The following TCF7L2 variants were observed in gnomAD, a reference collection of about 807,000 sequenced individuals.
TCF7L2 encodes transcription factor 7 like 2, also known as transcription factor 7-like 2.
In TCF7L2, 23 loss-of-function variants were observed where a neutral mutation model predicts 77.9. That is an observed-to-expected ratio of 0.30 (90% confidence interval 0.21 to 0.42). The LOEUF (loss-of-function observed/expected upper bound fraction) is 0.42. Among genes scored for constraint, TCF7L2 ranks in the 10% least tolerant of loss-of-function variants. The probability of loss-of-function intolerance (pLI) is 1.00; values close to 1 mark genes in which losing one functional copy is unlikely to be tolerated. For missense variants in TCF7L2, 654 were observed against 793.1 expected, an observed-to-expected ratio of 0.82 and a Z score of 2.11; for synonymous variants, 413 against 340.2, an observed-to-expected ratio of 1.21 and a Z score of -2.36.
chr10:113,094,377 T>C (rs1488063143), intron 5 of TCF7L2, among the ~76,000 whole-genome samples: 2 of 152,236 alleles, frequency 1.3e-5, no homozygotes, highest in African/African-American at 4.8e-5. Context: ...TAGATATTGC[T>C]TCATTTCCTG....
chr10:113,002,821 A>G (rs145867004), intron 4 of TCF7L2, among the ~76,000 whole-genome samples: 1 of 152,254 alleles, frequency 6.6e-6, no homozygotes, highest in East Asian at 1.9e-4. Flanking sequence ...TTATCCCTCC[A>G]CTTTTTCTTG....
intron 3 of TCF7L2, among the ~76,000 whole-genome samples, chr10:112,961,254 A>ACCCCC (rs372246814): frequency 1.3e-4 from 8 of 60,494 alleles, no homozygotes; most frequent in South Asian, 5.5e-4. Context: ...ACCTCAGGTG[A>ACCCCC]CCCCCCCCCC....
intron 4 of TCF7L2, among the ~76,000 whole-genome samples, chr10:113,020,994 T>A (rs1335617085): frequency 6.6e-6 from 1 of 152,228 alleles, no homozygotes; most frequent in Non-Finnish European, 1.5e-5. Context: ...CCAGGTCACC[T>A]GACTCCTAAG....
chr10:112,959,486 G>T (rs746058377), intron 3 of TCF7L2, among the ~76,000 whole-genome samples: 3 of 152,224 alleles, frequency 2.0e-5, no homozygotes, highest in Non-Finnish European at 2.9e-5. Flanking sequence ...GATTGTTCTT[G>T]TGTCTAAAGG....
intron 5 of TCF7L2, chr10:113,129,661 G>A (rs2066245406): frequency 2.5e-6 from 3 of 1,185,678 alleles, no homozygotes; most frequent in South Asian, 3.2e-5. Context: ...GAGCCTACTC[G>A]GCCAGGAATC....
chr10:113,022,418 T>G (rs1460567926), intron 4 of TCF7L2, among the ~76,000 whole-genome samples: 2 of 152,178 alleles, frequency 1.3e-5, no homozygotes, highest in Non-Finnish European at 2.9e-5. Flanking sequence ...GCAGCTGAGC[T>G]TCCGTGTGCC....
chr10:113,089,417 C>T, intron 5 of TCF7L2: 1 of 1,613,730 alleles, frequency 6.2e-7, no homozygotes, highest in Non-Finnish European at 8.5e-7. Context: ...TCCCTTGCTG[C>T]ACTCAGGGAC....
chr10:113,091,181 C>T (rs1315889957), intron 5 of TCF7L2, among the ~76,000 whole-genome samples: 1 of 152,166 alleles, frequency 6.6e-6, no homozygotes, highest in Non-Finnish European at 1.5e-5. Context: ...GGATTACAGG[C>T]GTGAGCCACC....
chr10:113,138,918 G>T (rs973427298), intron 5 of TCF7L2, among the ~76,000 whole-genome samples: 1 of 152,200 alleles, frequency 6.6e-6, no homozygotes, highest in East Asian at 1.9e-4. Context: ...AAAGCATCCC[G>T]GGAGATGCTT....
rs767710403 is a variant in TCF7L2 at position 113,146,033 on chromosome 10, A to G, written c.811A>G (p.Ile271Val). ...TAGGCAAGGTCAACCAGTGTACCCAATCACGACAGGAGGATTCAGACACCC... is the reference window on the plus strand; with the variant it reads ...TAGGCAAGGTCAACCAGTGTACCCAGTCACGACAGGAGGATTCAGACACCC... Residue 271 changes from isoleucine to valine, a missense_variant, in exon 8 of 14, where the codon ATC becomes GTC. Transcript: ENST00000627217. 5.0e-6 allele frequency: 8 copies of G among 1,610,908 alleles called. No homozygotes were observed. Among genetic ancestry groups the G allele is most frequent in the Non-Finnish European group, 5.9e-6 (7 of 1,179,500 alleles).
intron 5 of TCF7L2, among the ~76,000 whole-genome samples, chr10:113,098,983 A>AG (rs2135840884): frequency 6.6e-6 from 1 of 152,264 alleles, no homozygotes; most frequent in East Asian, 1.9e-4. Context: ...GTTGATTGTC[A>AG]GGGGCTCTGC....
At chr10:113,037,253 A>T (rs187918708) in intron 4 of TCF7L2, among the ~76,000 whole-genome samples, 5 of 152,340 alleles carry the variant, frequency 3.3e-5, no homozygotes, top group Admixed American at 2.6e-4. Flanking sequence ...AATGCCAGTT[A>T]AGATTCAAGG....
chr10:113,153,900 TA>T (rs1351836689), intron 11 of TCF7L2, among the ~76,000 whole-genome samples: 3 of 152,336 alleles, frequency 2.0e-5, no homozygotes. Flanking sequence ...CTCATACTTT[TA>T]AACCCGTGCT....
intron 4 of TCF7L2, among the ~76,000 whole-genome samples, chr10:112,966,375 A>G (rs1359069777): frequency 1.3e-5 from 2 of 151,592 alleles, no homozygotes; most frequent in Non-Finnish European, 2.9e-5. Context: ...CATGCTGCCC[A>G]TTTGTCCCTC....
chr10:113,054,538 A>G (rs1163954456), intron 5 of TCF7L2, among the ~76,000 whole-genome samples: 7 of 152,162 alleles, frequency 4.6e-5, no homozygotes, highest in African/African-American at 1.4e-4. Context: ...CCAGGACAGG[A>G]GAGATTGATT....
At chr10:113,111,679 C>T (rs2063148480) in intron 5 of TCF7L2, among the ~76,000 whole-genome samples, 1 of 152,018 alleles carries the variant, frequency 6.6e-6, no homozygotes, top group Admixed American at 6.5e-5. Flanking sequence ...ATCACCTCAG[C>T]CACTCGGGAG....
At chr10:113,132,710 G>A (rs932354575) in intron 5 of TCF7L2, among the ~76,000 whole-genome samples, 6 of 152,158 alleles carry the variant, frequency 3.9e-5, no homozygotes, top group Non-Finnish European at 7.3e-5. Flanking sequence ...CATTCTCTGT[G>A]AACTCGGGCA....
chr10:113,034,845 G>A (rs767057520), intron 4 of TCF7L2, among the ~76,000 whole-genome samples: 2 of 152,124 alleles, frequency 1.3e-5, no homozygotes, highest in Non-Finnish European at 2.9e-5. Context: ...GCAGTGAGTC[G>A]AGCTTGCGTC....
intron 4 of TCF7L2, among the ~76,000 whole-genome samples, chr10:113,010,088 T>C (rs564673821): frequency 6.6e-6 from 1 of 152,088 alleles, no homozygotes; most frequent in East Asian, 1.9e-4. Context: ...TTCTGGGGGC[T>C]TTGGGAACTT....
Sources: gnomAD v4.1 joint callset for allele counts (sites outside exome capture counted in the v4.1 genomes callset) on GRCh38, gnomAD v4.1.1 for gene constraint, MANE v1.5 for transcripts, NCBI Gene and HGNC (gene_info 2026-07-23, HGNC 2026-07-21) for gene names.